The following MILR1 variants were observed in gnomAD, a reference collection of about 807,000 sequenced individuals.
MILR1 encodes mast cell immunoglobulin like receptor 1, also known as allergin-1.
Under a neutral mutation model 18.5 loss-of-function variants are expected in MILR1, and 31 were observed. That is an observed-to-expected ratio of 1.68 (90% CI 1.26 to 2.26). The LOEUF (loss-of-function observed/expected upper bound fraction) is 2.26. MILR1 is among the 30% of genes most tolerant of loss of function. The pLI, the probability that MILR1 is intolerant of heterozygous loss-of-function variation, is 0.00. For synonymous variants in MILR1, 85 were observed against 56.2 expected (o/e 1.51, Z -2.30); for missense variants, 257 against 157.4 (o/e 1.63, Z -3.38).
At chr17:64,470,116 CAG>C (rs1194128235), downstream of MILR1, among the ~76,000 whole-genome samples, 10 of 152,142 alleles carry the variant, frequency 6.6e-5, no homozygotes, top group Admixed American at 3.3e-4. Flanking sequence ...TTTTTTGAGA[CAG>C]AGTCTCTCTC....
At chr17:64,490,906 T>C in the MILR1 span, 1 of 1,614,026 alleles carries the variant, frequency 6.2e-7, no homozygotes, top group Non-Finnish European at 8.5e-7. Context: ...TAAAGTTTGT[T>C]TCCTTTCCGG....
chr17:64,461,861 T>C (rs1283457227), intron 5 of MILR1, among the ~76,000 whole-genome samples: 1 of 152,164 alleles, frequency 6.6e-6, no homozygotes, highest in East Asian at 1.9e-4. Context: ...AGTGGAAGCA[T>C]TTATCCTTTC....
At chr17:64,475,885 C>T in the MILR1 span, among the ~76,000 whole-genome samples, 8 of 144,698 alleles carry the variant, frequency 5.5e-5, no homozygotes, top group African/African-American at 1.5e-4. Context: ...GCGATCTTGG[C>T]TCACTGCAAC....
chr17:64,470,792 T>A (rs1290322222), downstream of MILR1, among the ~76,000 whole-genome samples: 1 of 152,214 alleles, frequency 6.6e-6, no homozygotes, highest in East Asian at 1.9e-4. Flanking sequence ...GTTTCACAGC[T>A]TGCCCTGAAC....
chr17:64,469,543 G>A (rs1302644448), downstream of MILR1, among the ~76,000 whole-genome samples: 3 of 152,258 alleles, frequency 2.0e-5, no homozygotes, highest in African/African-American at 4.8e-5. Flanking sequence ...CATTATAGGC[G>A]TGTGCCACCA....
the MILR1 span, chr17:64,497,003 A>G: frequency 8.0e-5 from 126 of 1,575,556 alleles, no homozygotes; most frequent in Non-Finnish European, 1.1e-4. Flanking sequence ...CTCTCCCATC[A>G]CTCAACGGAT....
chr17:64,477,652 T>C, the MILR1 span: 2 of 798,764 alleles, frequency 2.5e-6, no homozygotes, highest in Admixed American at 3.5e-5. Flanking sequence ...TTGTTTCTTG[T>C]AGCTGAACAT....
the MILR1 span, among the ~76,000 whole-genome samples, chr17:64,488,292 T>A: frequency 6.6e-6 from 1 of 152,170 alleles, no homozygotes; most frequent in East Asian, 1.9e-4. Flanking sequence ...TTTTATAACA[T>A]GTTCAACTAA....
chr17:64,482,440 GC>G, the MILR1 span, among the ~76,000 whole-genome samples: 1 of 151,474 alleles, frequency 6.6e-6, no homozygotes, highest in Non-Finnish European at 1.5e-5. Flanking sequence ...TCCTGCCTTA[GC>G]CTCCTGAGTA....
intron 5 of MILR1, among the ~76,000 whole-genome samples, chr17:64,464,440 A>G (rs1223839085): frequency 1.3e-5 from 2 of 151,192 alleles, no homozygotes; most frequent in Non-Finnish European, 1.5e-5. Flanking sequence ...AGGTCTCACT[A>G]TGTTCCCCAG....
chr17:64,476,779 G>A, the MILR1 span, among the ~76,000 whole-genome samples: 3 of 151,634 alleles, frequency 2.0e-5, no homozygotes, highest in African/African-American at 4.8e-5. Context: ...CTTGAGGCTC[G>A]GAGTGAAAGA....
At chr17:64,490,137 A>G in the MILR1 span, among the ~76,000 whole-genome samples, 1 of 152,076 alleles carries the variant, frequency 6.6e-6, no homozygotes, top group Non-Finnish European at 1.5e-5. Flanking sequence ...ATTGGCCAGG[A>G]TGGTCTCAAT....
chr17:64,467,099 C>A (rs1016886426), intron 8 of MILR1, among the ~76,000 whole-genome samples: 1 of 120,374 alleles, frequency 8.3e-6, no homozygotes, highest in Non-Finnish European at 1.8e-5. Flanking sequence ...TCTTTCTTTT[C>A]TTTCTTTCCT....
At chr17:64,461,049 A>G in intron 5 of MILR1, 117 bp downstream of exon 5, 1 of 411,224 alleles carries the variant, frequency 2.4e-6, no homozygotes. Flanking sequence ...GGAGAAAATG[A>G]AAATAGGAGG....
chr17:64,461,022 G>A (rs922533783), intron 5 of MILR1, 90 bp downstream of exon 5: 72 of 449,966 alleles, frequency 1.6e-4, no homozygotes, highest in Non-Finnish European at 2.7e-4. Flanking sequence ...GAGAAAAGGG[G>A]ATTGGAAATA....
In MILR1 at chr17:64,457,424, AC is replaced by A; in HGVS notation, c.393del (p.Asn131LysfsTer13). On this transcript the variant is annotated frameshift_variant, in exon 4 of 10. Transcript: ENST00000619286. LOFTEE classifies it high-confidence loss of function. ...IVDPVTSPVL[N>X]IMVIQTETDR... ...GACCCGGTGACTTCCCCAGTGCTGA[AC>A]ATTATGGTCATTCAAACAGAAACAG... The A allele has an allele frequency of 2.1e-6, 1 of 475,410 alleles. No individual in the cohort carries two copies. The allele number at this position is 475,410 out of a possible 1,614,324, so 29.4% of individuals were successfully genotyped here.
downstream of MILR1, among the ~76,000 whole-genome samples, chr17:64,469,069 AGAGT>A (rs1481650174): frequency 1.3e-5 from 2 of 152,036 alleles, no homozygotes; most frequent in African/African-American, 4.8e-5. Context: ...CCTGGGCAAC[AGAGT>A]GAGACCCTGT....
At chr17:64,478,005 TAAAC>T in the MILR1 span, 1 of 1,611,696 alleles carries the variant, frequency 6.2e-7, no homozygotes, top group African/African-American at 1.3e-5. Flanking sequence ...AAAAAGTAGT[TAAAC>T]AGACACATGA....
At chr17:64,465,317 T>TA in intron 5 of MILR1, 135 bp from the exon 6 acceptor site, 1 of 649,352 alleles carries the variant, frequency 1.5e-6, no homozygotes, top group Non-Finnish European at 2.7e-6. Context: ...TTTCCTTTGT[T>TA]AGACAACAGT....
Sources: allele counts gnomAD v4.1 joint callset (sites outside exome capture counted in the v4.1 genomes callset), GRCh38; gene constraint gnomAD v4.1.1; transcripts MANE v1.5; gene names NCBI Gene and HGNC (gene_info 2026-07-23, HGNC 2026-07-21).